NUP188: variants seen among roughly 807,000 people sequenced by gnomAD.
NUP188 encodes nucleoporin 188.
Under a neutral mutation model 223.0 loss-of-function variants are expected in NUP188, and 97 were observed. That is an observed-to-expected ratio of 0.43 (90% CI 0.37 to 0.51). The LOEUF is 0.51. Ranked by LOEUF, NUP188 falls within the 20% of genes least tolerant of loss-of-function variation. The probability of loss-of-function intolerance (pLI) is 0.00; values close to 1 mark genes in which losing one functional copy is unlikely to be tolerated. For missense variants in NUP188, 1,947 were observed against 2,175.6 expected (o/e 0.89, Z 2.09); for synonymous variants, 869 against 828.0 (o/e 1.05, Z -0.85).
intron 30 of NUP188, 109 bp downstream of exon 30, chr9:128,995,623 C>A: frequency 4.1e-6 from 4 of 964,646 alleles, no homozygotes; most frequent in Non-Finnish European, 6.3e-6. Flanking sequence ...AGGGTTTATC[C>A]CTGAGAGCTA....
chr9:128,983,284 TCCAA>T lies in NUP188; in HGVS notation c.1797-5_1797-2del. On this transcript the variant is annotated splice_region_variant and splice_polypyrimidine_tract_variant and intron_variant, in intron 17 of 43. Coordinates refer to ENST00000372577, the MANE Select transcript of NUP188 (RefSeq NM_015354.3). ...CTTTATTGAGTATAGTGTATTGTTC[TCCAA>T]CCAGGTTAACGACAGTGATCTCCCC... is the stretch of plus-strand genomic sequence containing the variant. The T allele has an allele frequency of 6.2e-7, 1 of 1,612,378 alleles. No individual in the cohort carries two copies. Among genetic ancestry groups the T allele is most frequent in the Non-Finnish European group, 8.5e-7 (1 of 1,178,478 alleles).
In NUP188 at chr9:129,001,682, A is replaced by G. The variant is rs769990958; in HGVS notation, c.3997A>G (p.Thr1333Ala). The change falls in exon 35 of 44, where the codon ACT becomes GCT. Residue 1333 changes from threonine (T) to alanine (A), a missense_variant. Thr to Ala is a moderately conservative substitution (Grantham distance 58, BLOSUM62 0). This residue lies in a region of NUP188 where 905 missense variants were observed against 990.6 expected (regional missense o/e 0.91). Transcript: ENST00000372577. The stretch of plus-strand genomic sequence containing the variant: ...TCGCATGAAGCAGAACCTGCATTTC[A>G]CTGAGGCCACATTGCATCTGCTCCT... The part of the protein sequence containing the change: ...SLRMKQNLHF[T>A]EATLHLLLTL... 11 of 1,613,954 alleles carry G rather than the reference A, an allele frequency of 6.8e-6. 1 individual carries two copies. In the South Asian group the frequency reaches 1.2e-4, roughly 18 times the overall value.
At chr9:128,978,869 C>G (rs1042699984) in intron 12 of NUP188, among the ~76,000 whole-genome samples, 12 of 152,020 alleles carry the variant, frequency 7.9e-5, no homozygotes, top group Non-Finnish European at 1.8e-4. Flanking sequence ...CGCCACCACA[C>G]CTGGCTAACT....
rs1487256239 is a variant in NUP188 at position 128,947,737 on chromosome 9, C to A, written c.18C>A (p.Gly6=). The A allele has an allele frequency of 3.4e-6, 5 of 1,470,362 alleles. No homozygotes were observed. In the South Asian group the frequency reaches 5.3e-5, roughly 15 times the overall value. The allele number at this position is 1,470,362 out of a possible 1,614,324, so 91.1% of individuals were successfully genotyped here. ...GCGCGAAGATGGCGGCGGCCGCCGG[C>A]GGGCCGTGTGTGAGGTGCGGAGCGG... MAAAA[G]GPCVRSSREL... is the part of the protein sequence containing the mutation. The change falls in exon 1 of 44, where the codon GGC becomes GGA. Residue 6 remains glycine (G), a synonymous_variant. Transcript: ENST00000372577.
Position 128,957,007 on chromosome 9 carries a change from A to G in NUP188, c.302A>G (p.Tyr101Cys). 2 of 1,612,494 alleles carry G rather than the reference A, an allele frequency of 1.2e-6. No homozygotes were observed. Among genetic ancestry groups the G allele is most frequent in the Non-Finnish European group, 1.7e-6 (2 of 1,178,914 alleles). The part of the protein sequence containing the change: ...QLLQCYLQED[Y>C]RGTRDSVKTV... ...CTCCAGTGTTACCTGCAAGAGGACT[A>G]CAGGGGTACTCGGGACTCAGTAAAG... is the stretch of plus-strand genomic sequence containing the variant. Residue 101 changes from tyrosine (Y) to cysteine (C), a missense_variant, in exon 5 of 44, where the codon TAC (tyrosine) becomes TGC (cysteine). Physicochemically the swap from Tyr to Cys is radical, Grantham distance 194. Coordinates refer to ENST00000372577, the MANE Select transcript of NUP188 (RefSeq NM_015354.3).
At chr9:129,005,108 G>C in intron 38 of NUP188, 39 bp from the exon 39 acceptor site, 1 of 1,543,540 alleles carries the variant, frequency 6.5e-7, no homozygotes, top group Non-Finnish European at 9.0e-7. Flanking sequence ...CTGGGCTGCT[G>C]ACAAGAGAAT....
At chr9:128,973,113 A>C in intron 11 of NUP188, 47 bp from the exon 12 acceptor site, 22 of 1,197,302 alleles carry the variant, frequency 1.8e-5, no homozygotes, top group Non-Finnish European at 2.7e-5. Context: ...AACCTGGGGA[A>C]GAGTTGTATT....
intron 8 of NUP188, among the ~76,000 whole-genome samples, chr9:128,963,818 T>TG (rs1841987961): frequency 6.6e-6 from 1 of 151,448 alleles, no homozygotes; most frequent in Admixed American, 6.6e-5. Context: ...TTGTGGGTTT[T>TG]TTTTTTTTTT....
At chr9:128,952,432 T>C (rs1364326527) in intron 2 of NUP188, among the ~76,000 whole-genome samples, 1 of 145,854 alleles carries the variant, frequency 6.9e-6, no homozygotes, top group African/African-American at 2.5e-5. Context: ...CACAAAAAAC[T>C]GCATTTGCGG....
Sources: allele counts gnomAD v4.1 joint callset (sites outside exome capture counted in the v4.1 genomes callset), GRCh38; gene constraint gnomAD v4.1.1; regional missense constraint gnomAD v4.1.1; transcripts MANE v1.5; gene names NCBI Gene and HGNC (gene_info 2026-07-23, HGNC 2026-07-21).